Variants in JADE1 observed in about 807,000 individuals in gnomAD.
JADE1 encodes the protein jade family PHD finger 1, also known as protein Jade-1.
In JADE1, 14 loss-of-function variants were observed where a neutral mutation model predicts 81.8. The observed-to-expected ratio is 0.17, with a 90% CI of 0.11 to 0.27. The LOEUF is 0.27. JADE1 is among the 10% of genes least tolerant of loss of function. The pLI is 1.00. For synonymous variants in JADE1, 353 were observed against 391.9 expected (o/e 0.90, Z 1.17); for missense variants, 690 against 1,047.9 (o/e 0.66, Z 4.71).
intron 2 of JADE1, among the ~76,000 whole-genome samples, chr4:128,837,072 C>T (rs1435237518): frequency 6.6e-6 from 1 of 152,152 alleles, no homozygotes; most frequent in Non-Finnish European, 1.5e-5. Context: ...ACTTCTTATT[C>T]TTGTCTGACT....
rs1283758817 is a variant in JADE1, at chr4:128,871,411, CCTT to C, written c.1681_1683del (p.Ser561del). ...GGAAAACATGCTTTTGTTTAACAGT[CCTT>C]CTGTTGGCCCTGATGCTCCCAAGAT... is the stretch of plus-strand genomic sequence containing the variant. On this transcript the variant is annotated inframe_deletion, in exon 11 of 11. Coordinates refer to ENST00000226319, the MANE Select transcript of JADE1 (RefSeq NM_199320.4). The surrounding 1 kb of genome is among the most constrained non-coding windows in gnomAD (Gnocchi z 4.1). 1 of 1,614,194 alleles carries C rather than the reference CCTT, an allele frequency of 6.2e-7. No homozygotes were observed. Among genetic ancestry groups the C allele is most frequent in the Middle Eastern group, 1.7e-4 (1 of 6,058 alleles).
chr4:128,852,799 C>A (rs1270773779), intron 6 of JADE1, among the ~76,000 whole-genome samples: 1 of 152,142 alleles, frequency 6.6e-6, no homozygotes, highest in African/African-American at 2.4e-5. Context: ...TGCAGGAGAG[C>A]CCTTCCTTGC....
At chr4:128,819,288 G>C (rs1475127676) in intron 1 of JADE1, among the ~76,000 whole-genome samples, 1 of 150,416 alleles carries the variant, frequency 6.6e-6, no homozygotes, top group South Asian at 2.1e-4. Context: ...TTTTTTTTTT[G>C]GGGGGCAGGC....
chr4:128,843,138 A>G lies in JADE1; in HGVS notation c.138+100A>G. On this transcript the variant is annotated intron_variant, in intron 3 of 10. Coordinates refer to ENST00000226319, the MANE Select transcript of JADE1 (RefSeq NM_199320.4). Reference sequence around the variant, plus strand: ...GTGCAGTCCTGGGCAAATTATTCAAATCCTTGTGCTCCAGTTTCCAAATCT... The same window carrying G: ...GTGCAGTCCTGGGCAAATTATTCAAGTCCTTGTGCTCCAGTTTCCAAATCT... 3 of 904,404 alleles carry G rather than the reference A, an allele frequency of 3.3e-6. No individual in the cohort carries two copies. The South Asian group carries it at 4.9e-5, about 15-fold the overall frequency. 56.0% of individuals were successfully genotyped at this position (904,404 alleles called of 1,614,324 possible). A position where few individuals can be genotyped will look rare whatever the true frequency, so the allele number is the denominator to read the frequency against.
chr4:128,819,526 C>T (rs1727364894), intron 1 of JADE1, among the ~76,000 whole-genome samples: 1 of 152,184 alleles, frequency 6.6e-6, no homozygotes, highest in Non-Finnish European at 1.5e-5. Flanking sequence ...AGATTGTGTT[C>T]CACTACAGAG....
At chr4:128,854,240 C>G (rs1730609147) in intron 6 of JADE1, among the ~76,000 whole-genome samples, 1 of 151,824 alleles carries the variant, frequency 6.6e-6, no homozygotes, top group Non-Finnish European at 1.5e-5. Context: ...TTGGATGCCC[C>G]CTTCTCACCT....
At chr4:128,862,902 G>A in intron 9 of JADE1, 3 of 987,138 alleles carry the variant, frequency 3.0e-6, no homozygotes, top group Non-Finnish European at 3.6e-6. Flanking sequence ...GGCTGTGTGT[G>A]TGTGTGTGTG....
At chr4:128,827,940 CT>C in intron 1 of JADE1, 1 of 962,828 alleles carries the variant, frequency 1.0e-6, no homozygotes, top group Non-Finnish European at 1.2e-6. Context: ...AAACATGCCC[CT>C]TTTTCTGGCT....
intron 5 of JADE1, among the ~76,000 whole-genome samples, chr4:128,850,154 C>T (rs1320845477): frequency 2.6e-5 from 4 of 151,812 alleles, no homozygotes; most frequent in South Asian, 2.1e-4. Context: ...ATTAGCTAGG[C>T]GTCGTGGTGG....
rs1365225862 is a variant in JADE1 at position 128,835,738 on chromosome 4, C to T, written c.52+3928C>T. Among the ~76,000 whole-genome samples the T allele has an allele frequency of 2.0e-5, 3 of 152,228 alleles. No individual in the cohort carries two copies. In the East Asian group the frequency reaches 5.8e-4, roughly 29 times the overall value. ...ACACCATGTCCAAGTGAAGGAGAGGCAGCTGCAGACGTCAGCATGGGGCTG... is the reference window on the plus strand; with the variant it reads ...ACACCATGTCCAAGTGAAGGAGAGGTAGCTGCAGACGTCAGCATGGGGCTG... On this transcript the variant is annotated intron_variant, in intron 2 of 10. Transcript: ENST00000226319.
chr4:128,830,130 C>A (rs1327646455), intron 1 of JADE1, among the ~76,000 whole-genome samples: 1 of 151,710 alleles, frequency 6.6e-6, no homozygotes, highest in African/African-American at 2.4e-5. Context: ...CCCACCTCGG[C>A]CTCCCAAAGT....
chr4:128,810,792 CCAGTG>C (rs1368024608), intron 1 of JADE1, among the ~76,000 whole-genome samples: 4 of 151,848 alleles, frequency 2.6e-5, no homozygotes, highest in Non-Finnish European at 5.9e-5. Context: ...AACTGGGCTT[CCAGTG>C]ATCAGATCTT....
intron 3 of JADE1, among the ~76,000 whole-genome samples, chr4:128,845,468 A>G (rs990014583): frequency 4.6e-5 from 7 of 152,124 alleles, no homozygotes; most frequent in African/African-American, 1.7e-4. Context: ...GTGTGCAAAC[A>G]TGTTTTTTGC....
At chr4:128,823,497 AT>A (rs1283476864) in intron 1 of JADE1, among the ~76,000 whole-genome samples, 4 of 152,038 alleles carry the variant, frequency 2.6e-5, no homozygotes, top group African/African-American at 9.7e-5. Flanking sequence ...AGTTATCATA[AT>A]TTTTTTTCTT....
chr4:128,870,454 T>C (rs188382692), intron 10 of JADE1, among the ~76,000 whole-genome samples: 1 of 152,308 alleles, frequency 6.6e-6, no homozygotes, highest in African/African-American at 2.4e-5. Flanking sequence ...TTGAGGCTGT[T>C]GTAGAATCAT....
intron 6 of JADE1, among the ~76,000 whole-genome samples, chr4:128,854,248 CCTT>C (rs1388742509): frequency 6.6e-6 from 1 of 151,974 alleles, no homozygotes; most frequent in Non-Finnish European, 1.5e-5. Flanking sequence ...CCCCTTCTCA[CCTT>C]CTCTTCTTTC....
At chr4:128,825,615 C>T (rs1381511458) in intron 1 of JADE1, among the ~76,000 whole-genome samples, 3 of 152,196 alleles carry the variant, frequency 2.0e-5, no homozygotes, top group Non-Finnish European at 4.4e-5. Flanking sequence ...ACTTTTATAG[C>T]ACTTACCACA....
intron 7 of JADE1, among the ~76,000 whole-genome samples, chr4:128,856,160 C>T (rs1307313866): frequency 1.3e-5 from 2 of 152,168 alleles, no homozygotes; most frequent in African/African-American, 4.8e-5. Flanking sequence ...AAGGTCCTGG[C>T]TTTTAACTGG....
intron 1 of JADE1, chr4:128,811,734 CGGCCCGA>C (rs1726410436): frequency 6.7e-6 from 1 of 148,778 alleles, no homozygotes. Context: ...GCCCCGGGAA[CGGCCCGA>C]AGCCCGACGC....
Sources: gnomAD v4.1 joint callset for allele counts (sites outside exome capture counted in the v4.1 genomes callset) on GRCh38, gnomAD v4.1.1 for gene constraint, Gnocchi (gnomAD v3.1) non-coding constraint, MANE v1.5 for transcripts, NCBI Gene and HGNC (gene_info 2026-07-23, HGNC 2026-07-21) for gene names.